AP3S2: variants seen among roughly 807,000 people sequenced by gnomAD.
AP3S2 encodes the protein adaptor related protein complex 3 subunit sigma 2, also known as AP-3 complex subunit sigma-2.
A neutral mutation model predicts 23.4 loss-of-function variants in AP3S2; 22 were observed. The observed-to-expected ratio is 0.94, with a 90% CI of 0.67 to 1.34. The LOEUF is 1.34. Ranked by LOEUF, AP3S2 falls within the 40% of genes most tolerant of loss-of-function variation. AP3S2 has a pLI of 0.00. For synonymous variants in AP3S2, 86 were observed against 87.1 expected (o/e 0.99, Z 0.07); for missense variants, 241 against 236.9 (o/e 1.02, Z -0.11).
At chr15:89,858,498 AGAGAG>A (rs1567178715) in intron 4 of AP3S2, among the ~76,000 whole-genome samples, 13 of 55,958 alleles carry the variant, frequency 2.3e-4, no homozygotes, top group African/African-American at 7.3e-4. Flanking sequence ...AAAGAAAGAG[AGAGAG>A]AGAGAGAGAG....
intron 4 of AP3S2, among the ~76,000 whole-genome samples, chr15:89,858,493 AAGAGAGAGAGAGAGAG>A (rs143172663): frequency 5.0e-5 from 3 of 60,236 alleles, no homozygotes; most frequent in African/African-American, 1.5e-4. Flanking sequence ...GAAAGAAAGA[AAGAGAGAGAGAGAGAG>A]AGAGAGAGAG....
chr15:89,852,920 A>G (rs1895694308), intron 4 of AP3S2, among the ~76,000 whole-genome samples: 1 of 152,218 alleles, frequency 6.6e-6, no homozygotes. Context: ...GTTCAAAGCA[A>G]GAGGTGAGGC....
chr15:89,864,264 T>C (rs1896068354), intron 4 of AP3S2, among the ~76,000 whole-genome samples: 1 of 152,352 alleles, frequency 6.6e-6, no homozygotes, highest in East Asian at 1.9e-4. Context: ...ATTACTTTAC[T>C]GCTTTAGCAG....
chr15:89,868,042 C>T, intron 4 of AP3S2, among the ~76,000 whole-genome samples: 1 of 131,854 alleles, frequency 7.6e-6, no homozygotes, highest in African/African-American at 2.9e-5. Context: ...TGAGGGGCGC[C>T]TCTGCCCGGC....
chr15:89,836,009 C>G (rs1477721764), intron 5 of AP3S2, among the ~76,000 whole-genome samples: 2 of 148,966 alleles, frequency 1.3e-5, no homozygotes, highest in Non-Finnish European at 1.5e-5. Context: ...ACCTGGGCAA[C>G]AGAGTGAGAC....
chr15:89,877,394 A>C, intron 3 of AP3S2: 1 of 1,290,960 alleles, frequency 7.7e-7, no homozygotes, highest in Non-Finnish European at 1.0e-6. Context: ...AGGGTGTTGC[A>C]CTGGCTTTTC....
At chr15:89,858,266 C>T (rs977973801) in intron 4 of AP3S2, among the ~76,000 whole-genome samples, 2 of 151,594 alleles carry the variant, frequency 1.3e-5, no homozygotes, top group African/African-American at 4.9e-5. Flanking sequence ...AGAGAAACTC[C>T]GTCTCTACTA....
intron 4 of AP3S2, among the ~76,000 whole-genome samples, chr15:89,839,802 T>C (rs779987980): frequency 8.6e-5 from 13 of 151,450 alleles, no homozygotes; most frequent in African/African-American, 3.2e-4. Flanking sequence ...AAATGTGCCA[T>C]AGAAATACAA....
intron 4 of AP3S2, among the ~76,000 whole-genome samples, chr15:89,844,218 T>C (rs1276278487): frequency 2.7e-4 from 4 of 14,670 alleles, no homozygotes; most frequent in African/African-American, 5.4e-4. Context: ...TCTCTTTCTT[T>C]CTTTCTTTCT....
chr15:89,848,700 G>T (rs1567175187), intron 4 of AP3S2: 1 of 152,208 alleles, frequency 6.6e-6, no homozygotes, highest in Non-Finnish European at 1.5e-5. Context: ...AATAAGTAGG[G>T]AAGAGATTGT....
At chr15:89,868,831 C>T (rs1339726678) in intron 4 of AP3S2, among the ~76,000 whole-genome samples, 1 of 132,670 alleles carries the variant, frequency 7.5e-6, no homozygotes, top group Non-Finnish European at 1.6e-5. Context: ...GGGGGGTCAG[C>T]CCCCTGCCCG....
intron 4 of AP3S2, 34 bp from the exon 5 acceptor site, chr15:89,837,756 C>T: frequency 1.2e-6 from 2 of 1,612,808 alleles, no homozygotes; most frequent in South Asian, 2.2e-5. Flanking sequence ...AGTCAGAATA[C>T]TCTGTGGTGG....
intron 3 of AP3S2, among the ~76,000 whole-genome samples, chr15:89,874,478 A>G (rs1298592525): frequency 6.6e-6 from 1 of 152,184 alleles, no homozygotes; most frequent in East Asian, 1.9e-4. Context: ...GTTAACTAAA[A>G]TAGTATAATA....
chr15:89,889,704 C>T (rs1429392668), intron 1 of AP3S2, among the ~76,000 whole-genome samples: 1 of 150,794 alleles, frequency 6.6e-6, no homozygotes, highest in Non-Finnish European at 1.5e-5. Flanking sequence ...CAAAATAAAA[C>T]AAAAAAACAA....
intron 4 of AP3S2, among the ~76,000 whole-genome samples, chr15:89,850,112 C>T (rs1895609446): frequency 6.6e-6 from 1 of 152,204 alleles, no homozygotes; most frequent in Non-Finnish European, 1.5e-5. Flanking sequence ...TCCTAAGCAG[C>T]TCTGAAGAAA....
chr15:89,842,533 T>C (rs1567173055), intron 4 of AP3S2, among the ~76,000 whole-genome samples: 4 of 152,250 alleles, frequency 2.6e-5, no homozygotes, highest in Admixed American at 6.5e-5. Flanking sequence ...AATTTCCACA[T>C]TAATATTTAA....
chr15:89,843,731 C>G (rs1895391446), intron 4 of AP3S2, among the ~76,000 whole-genome samples: 1 of 152,106 alleles, frequency 6.6e-6, no homozygotes, highest in Non-Finnish European at 1.5e-5. Context: ...TCGCCTGAAC[C>G]CAGGAGGAGG....
chr15:89,858,519 G>GAA (rs1409381681), intron 4 of AP3S2, among the ~76,000 whole-genome samples: 230 of 43,930 alleles, frequency 5.2e-3, no homozygotes, highest in South Asian at 0.014. Flanking sequence ...GAGAGAGAGA[G>GAA]AGAGAGAAAG....
intron 3 of AP3S2, among the ~76,000 whole-genome samples, chr15:89,885,209 T>A (rs557488259): frequency 2.6e-5 from 4 of 151,966 alleles, no homozygotes; most frequent in Non-Finnish European, 5.9e-5. Flanking sequence ...TTGTTTTTTT[T>A]TTTGAGATAG....
Sources: allele counts gnomAD v4.1 joint callset (sites outside exome capture counted in the v4.1 genomes callset), GRCh38; gene constraint gnomAD v4.1.1; transcripts MANE v1.5; gene names NCBI Gene and HGNC (gene_info 2026-07-23, HGNC 2026-07-21).